Variants in RAD51B observed in about 807,000 individuals in gnomAD.
RAD51B encodes the protein DNA repair protein RAD51 homolog 2.
A neutral mutation model predicts 42.2 loss-of-function variants in RAD51B; 38 were observed. That is an observed-to-expected ratio of 0.90 (90% CI 0.70 to 1.18). The LOEUF is 1.18. Ranked by LOEUF, RAD51B falls within the 50% of genes most tolerant of loss-of-function variation. The probability of loss-of-function intolerance (pLI) is 0.00; values close to 1 mark genes in which losing one functional copy is unlikely to be tolerated. For missense variants in RAD51B, 373 were observed against 400.7 expected, an observed-to-expected ratio of 0.93 and a Z score of 0.59; for synonymous variants, 154 against 145.2, an observed-to-expected ratio of 1.06 and a Z score of -0.43.
intron 7 of RAD51B, among the ~76,000 whole-genome samples, chr14:68,011,330 AC>A (rs2140330306): frequency 6.6e-6 from 1 of 152,144 alleles, no homozygotes; most frequent in South Asian, 2.1e-4. Context: ...CATTTTTTAT[AC>A]AGATGAGTTC....
intron 7 of RAD51B, among the ~76,000 whole-genome samples, chr14:67,892,241 A>G (rs1378290685): frequency 6.6e-6 from 1 of 152,196 alleles, no homozygotes; most frequent in Non-Finnish European, 1.5e-5. Flanking sequence ...TGAAACTCAC[A>G]GTCTAGACTA....
At chr14:68,549,997 G>A (rs1888449534) in intron 10 of RAD51B, among the ~76,000 whole-genome samples, 1 of 152,210 alleles carries the variant, frequency 6.6e-6, no homozygotes, top group Non-Finnish European at 1.5e-5. Context: ...GACTCAGAAG[G>A]AGGGCGTAGA....
intron 10 of RAD51B, among the ~76,000 whole-genome samples, chr14:68,636,376 A>AG (rs1436593749): frequency 1.3e-5 from 2 of 152,128 alleles, no homozygotes; most frequent in Non-Finnish European, 2.9e-5. Flanking sequence ...TGAGGTCAGG[A>AG]GTTCGAGACC....
chr14:68,572,019 A>G (rs1295640457), intron 10 of RAD51B, among the ~76,000 whole-genome samples: 1 of 152,218 alleles, frequency 6.6e-6, no homozygotes, highest in Non-Finnish European at 1.5e-5. Flanking sequence ...AAACTACAGC[A>G]CATGCCATTC....
At chr14:68,040,112 T>C (rs2076195459) in intron 7 of RAD51B, among the ~76,000 whole-genome samples, 1 of 152,230 alleles carries the variant, frequency 6.6e-6, no homozygotes, top group Non-Finnish European at 1.5e-5. Flanking sequence ...AGCATAGTTA[T>C]GCAACATATA....
At chr14:67,951,287 G>A (rs1390132848) in intron 7 of RAD51B, among the ~76,000 whole-genome samples, 1 of 151,400 alleles carries the variant, frequency 6.6e-6, no homozygotes, top group Non-Finnish European at 1.5e-5. Flanking sequence ...CACTCATTGG[G>A]TCTGCAATTG....
chr14:68,554,407 C>T (rs1888724622), intron 10 of RAD51B, among the ~76,000 whole-genome samples: 1 of 152,172 alleles, frequency 6.6e-6, no homozygotes, highest in South Asian at 2.1e-4. Context: ...TCTGAACAGA[C>T]CTCACACAGT....
chr14:68,310,958 A>C (rs539201672), intron 8 of RAD51B, among the ~76,000 whole-genome samples: 95 of 152,188 alleles, frequency 6.2e-4, no homozygotes, highest in African/African-American at 2.2e-3. Flanking sequence ...TCCCAACCCC[A>C]CACACCTCAT....
chr14:67,951,730 A>G (rs2074454041), intron 7 of RAD51B, among the ~76,000 whole-genome samples: 1 of 152,220 alleles, frequency 6.6e-6, no homozygotes, highest in African/African-American at 2.4e-5. Context: ...AACTGACTTC[A>G]TACTATTCTG....
At chr14:68,405,394 T>C (rs1395950533) in intron 8 of RAD51B, among the ~76,000 whole-genome samples, 1 of 152,164 alleles carries the variant, frequency 6.6e-6, no homozygotes, top group Non-Finnish European at 1.5e-5. Context: ...CAGTGGGCTA[T>C]GATCATACTA....
chr14:68,528,925 T>C (rs1295228277), intron 10 of RAD51B, among the ~76,000 whole-genome samples: 1 of 151,840 alleles, frequency 6.6e-6, no homozygotes, highest in Non-Finnish European at 1.5e-5. Context: ...AGTCTCTCAG[T>C]TAGTAAGTGA....
At chr14:68,587,645 G>C (rs1378607065) in intron 10 of RAD51B, among the ~76,000 whole-genome samples, 3 of 151,582 alleles carry the variant, frequency 2.0e-5, no homozygotes, top group Non-Finnish European at 4.4e-5. Context: ...ACCGTATCAA[G>C]TCCTACCCCA....
intron 8 of RAD51B, among the ~76,000 whole-genome samples, chr14:68,405,829 C>CAAAAAAAAAAAAAAAAAAAAAAAA (rs10547910): frequency 2.8e-5 from 2 of 71,548 alleles, no homozygotes; most frequent in Non-Finnish European, 6.1e-5. Context: ...AGTTTATCAC[C>CAAAAAAAAAAAAAAAAAAAAAAAA]AAAAAAAAAA....
intron 8 of RAD51B, among the ~76,000 whole-genome samples, chr14:68,322,959 G>A (rs566288918): frequency 6.6e-6 from 1 of 152,204 alleles, no homozygotes; most frequent in Non-Finnish European, 1.5e-5. Flanking sequence ...TGTTAGATGT[G>A]TGGTGTTAAT....
At chr14:68,069,750 A>G (rs2076711182) in intron 7 of RAD51B, 2 of 152,222 alleles carry the variant, frequency 1.3e-5, no homozygotes, top group South Asian at 4.1e-4. Context: ...GAACATATGC[A>G]TGCATGTGTC....
chr14:67,937,049 T>C (rs1470105800), intron 7 of RAD51B, among the ~76,000 whole-genome samples: 2 of 152,238 alleles, frequency 1.3e-5, no homozygotes, highest in South Asian at 2.1e-4. Context: ...GTCTTACTTG[T>C]AGCAGAAATA....
chr14:68,186,126 T>G (rs1237992986), intron 7 of RAD51B, among the ~76,000 whole-genome samples: 1 of 152,220 alleles, frequency 6.6e-6, no homozygotes, highest in Non-Finnish European at 1.5e-5. Flanking sequence ...GACTCACTGG[T>G]CAATAAATAC....
chr14:68,056,917 G>A (rs887002134), intron 7 of RAD51B, among the ~76,000 whole-genome samples: 2 of 151,868 alleles, frequency 1.3e-5, no homozygotes, highest in Non-Finnish European at 2.9e-5. Context: ...GTGAAACCCT[G>A]TCTCTACTAA....
At chr14:68,414,013 G>A (rs1396741401) in intron 9 of RAD51B, among the ~76,000 whole-genome samples, 3 of 145,544 alleles carry the variant, frequency 2.1e-5, no homozygotes, top group Non-Finnish European at 3.1e-5. Context: ...ATTTTATCCC[G>A]TTTCTATGAC....
Sources: allele counts gnomAD v4.1 joint callset (sites outside exome capture counted in the v4.1 genomes callset), GRCh38; gene constraint gnomAD v4.1.1; transcripts MANE v1.5; gene names NCBI Gene and HGNC (gene_info 2026-07-23, HGNC 2026-07-21).